Variants in MCOLN2 observed in about 807,000 individuals in gnomAD.
The protein encoded by MCOLN2 is mucolipin TRP cation channel 2, also known as mucolipin-2.
MCOLN2 carries 57 observed loss-of-function variants against 67.5 expected under a neutral mutation model. The observed-to-expected ratio is 0.84, with a 90% CI of 0.68 to 1.05. The LOEUF (loss-of-function observed/expected upper bound fraction) is 1.05, where lower values mean the gene tolerates loss of function less well. Among genes scored for constraint, MCOLN2 ranks in the 50% least tolerant of loss-of-function variants. MCOLN2 has a pLI of 0.00. For synonymous variants in MCOLN2, 246 were observed against 233.3 expected (o/e 1.05, Z -0.50); for missense variants, 620 against 678.8 (o/e 0.91, Z 0.96).
rs1647191408 is a variant in MCOLN2 at position 84,931,475 on chromosome 1, T to C, written c.1429A>G (p.Ile477Val). Residue 477 changes from isoleucine (I) to valine (V), a missense_variant, in exon 12 of 14, where the codon ATC (isoleucine) becomes GTC (valine). Coordinates refer to ENST00000370608, the MANE Select transcript of MCOLN2 (RefSeq NM_153259.4). The part of the protein sequence containing the change: ...ATFAQIQQKS[I>V]LVWLFSRLYL... ...AGACGACTGAACAGCCACACCAAGA[T>C]GCTCTTCTGCTGGATTTGGGCAAAG... 1 of 1,613,880 alleles carries C rather than the reference T, an allele frequency of 6.2e-7. No individual in the cohort carries two copies. The highest frequency in any genetic ancestry group is 2.2e-5 in the East Asian group (1 of 44,878).
At chr1:84,945,912 C>G (rs555695804) in intron 7 of MCOLN2, among the ~76,000 whole-genome samples, 3 of 152,094 alleles carry the variant, frequency 2.0e-5, no homozygotes, top group Non-Finnish European at 4.4e-5. Flanking sequence ...CCATGCCCGG[C>G]TAATTTTTGT....
chr1:84,954,374 GA>G (rs1648670806), intron 4 of MCOLN2, among the ~76,000 whole-genome samples: 1 of 152,196 alleles, frequency 6.6e-6, no homozygotes, highest in African/African-American at 2.4e-5. Flanking sequence ...TTGGTCAAAA[GA>G]AACTTGTTTC....
Position 84,929,694 on chromosome 1 carries a change from C to G in MCOLN2, c.1543-15G>C. ...TGTTGGAATTTCTTTAGAAAGTACA[C>G]AATGTTGTTACCTTATTTATAAGGC... On this transcript the variant is annotated splice_polypyrimidine_tract_variant and intron_variant, in intron 12 of 13. Transcript: ENST00000370608. The G allele has an allele frequency of 1.9e-6, 3 of 1,609,746 alleles. No homozygotes were observed. Among genetic ancestry groups the G allele is most frequent in the Non-Finnish European group, 2.5e-6 (3 of 1,176,974 alleles).
At chr1:84,987,468 A>ACC (rs1557665455) in intron 1 of MCOLN2, among the ~76,000 whole-genome samples, 7 of 96,182 alleles carry the variant, frequency 7.3e-5, no homozygotes, top group East Asian at 3.5e-4. Context: ...ATATGTATAT[A>ACC]TAGATATATA....
chr1:84,989,874 A>G lies in MCOLN2; in HGVS notation c.77+6922T>C, dbSNP rs182566689. ...CAAGCCAGTGAACATTGAACAATAA[A>G]AATTTACTAACAATCAGGTTGGTAA... On this transcript the variant is annotated intron_variant, in intron 1 of 13. Transcript: ENST00000370608. 2.2e-4 allele frequency among the ~76,000 whole-genome samples: 34 copies of G among 152,352 alleles called. No homozygotes were observed. In the East Asian group the frequency reaches 6.0e-3, roughly 27 times the overall value.
At chr1:84,941,433 T>A (rs550802990) in intron 7 of MCOLN2, among the ~76,000 whole-genome samples, 1 of 151,716 alleles carries the variant, frequency 6.6e-6, no homozygotes, top group Non-Finnish European at 1.5e-5. Context: ...GGAGGCAGAG[T>A]TTGCAGTGAG....
chr1:84,978,763 TA>T (rs1233084220), intron 1 of MCOLN2, among the ~76,000 whole-genome samples: 1 of 152,112 alleles, frequency 6.6e-6, no homozygotes, highest in African/African-American at 2.4e-5. Context: ...TCAGGTTCTC[TA>T]GAGGGACAGA....
intron 1 of MCOLN2, among the ~76,000 whole-genome samples, chr1:84,977,430 T>C (rs1185464575): frequency 6.7e-6 from 1 of 150,028 alleles, no homozygotes; most frequent in Non-Finnish European, 1.5e-5. Flanking sequence ...AACTCTCCAA[T>C]CAAAAGACAT....
At chr1:84,986,338 C>CG (rs1650503830) in intron 1 of MCOLN2, among the ~76,000 whole-genome samples, 1 of 151,988 alleles carries the variant, frequency 6.6e-6, no homozygotes, top group African/African-American at 2.4e-5. Context: ...GTTGGGAGTT[C>CG]AAGACCAGCC....
intron 1 of MCOLN2, among the ~76,000 whole-genome samples, chr1:84,990,102 C>G (rs2102891879): frequency 6.6e-6 from 1 of 151,704 alleles, no homozygotes; most frequent in Admixed American, 6.6e-5. Context: ...TGAGGCAAGT[C>G]TGGCCAACAT....
chr1:84,950,866 A>G (rs1648390356), intron 6 of MCOLN2, among the ~76,000 whole-genome samples: 1 of 152,188 alleles, frequency 6.6e-6, no homozygotes. Flanking sequence ...GGCACTCAAG[A>G]TCTCTGTTTC....
Position 84,952,437 on chromosome 1 carries a change from T to C in MCOLN2, c.650+9A>G. On this transcript the variant is annotated intron_variant, in intron 5 of 13. Coordinates refer to ENST00000370608, the MANE Select transcript of MCOLN2 (RefSeq NM_153259.4). ...TCTCTTAGGGAATAACACTTTAAAA[T>C]GTATTTACCGATAAAATTCCAGTCT... The C allele has an allele frequency of 2.5e-6, 4 of 1,605,044 alleles. No individual in the cohort carries two copies. Among genetic ancestry groups the C allele is most frequent in the Non-Finnish European group, 3.4e-6 (4 of 1,171,750 alleles).
At chr1:84,928,240 G>C (rs1386709514) in intron 13 of MCOLN2, among the ~76,000 whole-genome samples, 1 of 152,102 alleles carries the variant, frequency 6.6e-6, no homozygotes, top group Non-Finnish European at 1.5e-5. Flanking sequence ...GGGCTCTCTT[G>C]TTCCCTCAAA....
chr1:84,982,221 T>C (rs1475090956), intron 1 of MCOLN2, among the ~76,000 whole-genome samples: 2 of 152,166 alleles, frequency 1.3e-5, no homozygotes, highest in African/African-American at 4.8e-5. Flanking sequence ...AAATATATAG[T>C]ACCATAAGAT....
intron 1 of MCOLN2, among the ~76,000 whole-genome samples, chr1:84,978,403 C>T (rs1022261493): frequency 4.4e-5 from 5 of 113,348 alleles, no homozygotes; most frequent in African/African-American, 1.6e-4. Context: ...ATAAATGAAA[C>T]TGAAATAAAG....
chr1:84,927,060 G>A (rs1014481185), intron 13 of MCOLN2, among the ~76,000 whole-genome samples: 2 of 151,506 alleles, frequency 1.3e-5, no homozygotes, highest in South Asian at 4.2e-4. Flanking sequence ...GGGGAAAGGG[G>A]AGGGAGAGCA....
At chr1:84,935,618 G>A (rs1228900632) in intron 11 of MCOLN2, among the ~76,000 whole-genome samples, 1 of 152,072 alleles carries the variant, frequency 6.6e-6, no homozygotes, top group African/African-American at 2.4e-5. Flanking sequence ...AATATTTTGG[G>A]TATATTAGGC....
At chr1:84,981,716 A>T (rs949824741) in intron 1 of MCOLN2, among the ~76,000 whole-genome samples, 14 of 152,198 alleles carry the variant, frequency 9.2e-5, no homozygotes, top group Non-Finnish European at 1.9e-4. Context: ...GTTAATGGGT[A>T]CAAAGAGAAA....
intron 11 of MCOLN2, among the ~76,000 whole-genome samples, chr1:84,935,241 A>G (rs1026887794): frequency 2.6e-5 from 4 of 152,212 alleles, no homozygotes; most frequent in African/African-American, 9.7e-5. Context: ...AAAGTTCCAA[A>G]ACCAGACTGA....
Sources: allele counts gnomAD v4.1 joint callset (sites outside exome capture counted in the v4.1 genomes callset), GRCh38; gene constraint gnomAD v4.1.1; transcripts MANE v1.5; gene names NCBI Gene and HGNC (gene_info 2026-07-23, HGNC 2026-07-21).